HIVEP3: variants seen among roughly 807,000 people sequenced by gnomAD.
HIVEP3 encodes the protein HIVEP zinc finger 3.
A neutral mutation model predicts 152.8 loss-of-function variants in HIVEP3; 49 were observed. That is an observed-to-expected ratio of 0.32 (90% CI 0.26 to 0.41). The LOEUF is 0.41. Among genes scored for constraint, HIVEP3 ranks in the 10% least tolerant of loss-of-function variants. The pLI, the probability that HIVEP3 is intolerant of heterozygous loss-of-function variation, is 1.00. For synonymous variants in HIVEP3, 1,269 were observed against 1,289.0 expected, an observed-to-expected ratio of 0.98 and a Z score of 0.33; for missense variants, 2,790 against 3,103.3, an observed-to-expected ratio of 0.90 and a Z score of 2.40.
intron 1 of HIVEP3, among the ~76,000 whole-genome samples, chr1:41,932,721 T>G (rs148332606): frequency 6.6e-6 from 1 of 151,838 alleles, no homozygotes; most frequent in East Asian, 1.9e-4. Context: ...TAGTTTTAAT[T>G]TGTTCTTCTT....
chr1:41,527,162 TCA>T (rs1175890245), intron 5 of HIVEP3, among the ~76,000 whole-genome samples: 2 of 57,532 alleles, frequency 3.5e-5, no homozygotes, highest in South Asian at 6.5e-4. Flanking sequence ...GCTCATCCTC[TCA>T]CACACCCACA....
intron 1 of HIVEP3, among the ~76,000 whole-genome samples, chr1:41,943,917 C>T (rs1366592111): frequency 1.3e-5 from 2 of 152,190 alleles, no homozygotes; most frequent in Admixed American, 6.5e-5. Flanking sequence ...TATATCCATA[C>T]AATGGAATAT....
chr1:41,582,669 G>A lies in HIVEP3; in HGVS notation c.2129C>T (p.Thr710Ile), dbSNP rs1262208058. The change falls in exon 4 of 9, where the codon ACT becomes ATT. Residue 710 changes from threonine (T) to isoleucine (I), a missense_variant. By Grantham distance (89) the Thr-to-Ile change is moderately conservative (BLOSUM62 -1). Transcript: ENST00000372583. This position sits in a 1 kb window ranked among gnomAD's most constrained non-coding sequence, Gnocchi z 4.7. ...HYKLGTTLEL[T>I]PLRKRRKEKS... The stretch of plus-strand genomic sequence containing the variant: ...CTCTTTCCTCCTCTTCCTCAGTGGA[G>A]TGAGTTCCAGGGTGGTTCCCAGTTT... The A allele has an allele frequency of 1.2e-5, 19 of 1,614,076 alleles. No individual in the cohort carries two copies. Among genetic ancestry groups the A allele is most frequent in the Non-Finnish European group, 1.5e-5 (18 of 1,180,042 alleles).
intron 1 of HIVEP3, among the ~76,000 whole-genome samples, chr1:41,950,768 T>C (rs1645102267): frequency 6.6e-6 from 1 of 152,236 alleles, no homozygotes. Flanking sequence ...CAGATCAATA[T>C]TTTGTAAACC....
chr1:41,848,889 G>A (rs569708236), intron 1 of HIVEP3: 2 of 152,708 alleles, frequency 1.3e-5, no homozygotes, highest in Non-Finnish European at 2.9e-5. Flanking sequence ...TTCGTGGGCC[G>A]CATGCCTCCA....
chr1:41,884,762 C>T lies in HIVEP3; in HGVS notation c.-801+33651G>A, dbSNP rs1402583641. ...CAACCTCAGGCTCCTCCTGGTCTAC[C>T]GTCTGTGCCTGGACTCTGCTCCAGC... On this transcript the variant is annotated intron_variant, in intron 1 of 8. Coordinates refer to ENST00000372583, the MANE Select transcript of HIVEP3 (RefSeq NM_024503.5). Among the ~76,000 whole-genome samples, 3 of 152,300 alleles carry T rather than the reference C, an allele frequency of 2.0e-5. 1 individual carries two copies. Among genetic ancestry groups the T allele is most frequent in the African/African-American group, 4.8e-5 (2 of 41,562 alleles).
chr1:41,793,079 C>T (rs1200010023), intron 1 of HIVEP3, among the ~76,000 whole-genome samples: 2 of 152,174 alleles, frequency 1.3e-5, no homozygotes, highest in East Asian at 1.9e-4. Flanking sequence ...ACAGGAGTGG[C>T]CTGTCATGGG....
rs1479044118 is a variant in HIVEP3 at position 41,533,664 on chromosome 1, T to A, written c.5208-8754A>T. On this transcript the variant is annotated intron_variant, in intron 5 of 8. Coordinates refer to ENST00000372583, the MANE Select transcript of HIVEP3 (RefSeq NM_024503.5). This position sits in a 1 kb window ranked among gnomAD's most constrained non-coding sequence, Gnocchi z 4.3. ...GGCACCTCATTCCCTCCTGCTTGTGTCTCCTTTGCAAGCTCCTTTTTTGCC... is the reference window on the plus strand; with the variant it reads ...GGCACCTCATTCCCTCCTGCTTGTGACTCCTTTGCAAGCTCCTTTTTTGCC... 6.6e-6 allele frequency among the ~76,000 whole-genome samples: 1 copy of A among 151,606 alleles called. No individual in the cohort carries two copies. The highest frequency in any genetic ancestry group is 1.5e-5 in the Non-Finnish European group (1 of 67,950).
intron 1 of HIVEP3, among the ~76,000 whole-genome samples, chr1:41,794,745 C>A (rs1649891159): frequency 1.3e-5 from 2 of 152,060 alleles, no homozygotes; most frequent in Admixed American, 6.5e-5. Flanking sequence ...TTTTGAATTT[C>A]TTTCTCTATT....
intron 5 of HIVEP3, among the ~76,000 whole-genome samples, chr1:41,527,754 C>T (rs1243146257): frequency 6.7e-6 from 1 of 148,170 alleles, no homozygotes; most frequent in Non-Finnish European, 1.5e-5. Flanking sequence ...CCCTCGCATT[C>T]ACCTTCACAC....
rs778798464 is a variant in HIVEP3 at position 41,660,182 on chromosome 1, C to T, written c.-720-31235G>A. On this transcript the variant is annotated intron_variant, in intron 2 of 8. Transcript: ENST00000372583. ...GTGTTTGAGTGTGTAAGAGTGCACA[C>T]ACGTGTGTATGTGTGCATGTGTGAG... 2.0e-5 allele frequency among the ~76,000 whole-genome samples: 3 copies of T among 152,104 alleles called. No individual in the cohort carries two copies. In the East Asian group the frequency reaches 5.8e-4, roughly 29 times the overall value.
chr1:41,584,398 C>G lies in HIVEP3; in HGVS notation c.400G>C (p.Val134Leu). 1 of 1,613,846 alleles carries G rather than the reference C, an allele frequency of 6.2e-7. No homozygotes were observed. The highest frequency in any genetic ancestry group is 8.5e-7 in the Non-Finnish European group (1 of 1,179,864). ...CTCTGAGGATGGAGCCCAGGGGCCA[C>G]GAAGGAGCCAGAGGGTCCAGGTCTC... is the stretch of plus-strand genomic sequence containing the variant. ...PMRPGPSGSF[V>L]APGLHPQSQL... Residue 134 changes from valine (V) to leucine (L), a missense_variant, in exon 4 of 9, where the codon GTG (valine) becomes CTG (leucine). Val to Leu is a conservative substitution (Grantham distance 32). This residue lies in a region of HIVEP3 where 209 missense variants were observed against 237.0 expected (regional missense o/e 0.88). Transcript: ENST00000372583. The surrounding 1 kb of genome is among the most constrained non-coding windows in gnomAD (Gnocchi z 5.2).
At chr1:41,701,061 A>G in intron 1 of HIVEP3, 66 bp from the exon 2 acceptor site, 4 of 766,486 alleles carry the variant, frequency 5.2e-6, no homozygotes, top group East Asian at 1.3e-4. Context: ...TCTGAGTTTG[A>G]AAAAGGCACC....
intron 2 of HIVEP3, among the ~76,000 whole-genome samples, chr1:41,645,765 TC>T (rs1245243526): frequency 6.6e-6 from 1 of 152,184 alleles, no homozygotes; most frequent in African/African-American, 2.4e-5. Flanking sequence ...AACCAACCAT[TC>T]GTTCATGCAT....
intron 3 of HIVEP3, among the ~76,000 whole-genome samples, chr1:41,615,298 T>C (rs1330066572): frequency 3.9e-5 from 6 of 152,252 alleles, no homozygotes; most frequent in African/African-American, 1.4e-4. Context: ...GCTCATCTTC[T>C]ACTCATGGTT....
At chr1:41,810,888 T>C (rs1000879190) in intron 1 of HIVEP3, among the ~76,000 whole-genome samples, 1 of 152,236 alleles carries the variant, frequency 6.6e-6, no homozygotes, top group Admixed American at 6.5e-5. Flanking sequence ...GGCTTATGGA[T>C]TTGCCTGTAA....
intron 5 of HIVEP3, among the ~76,000 whole-genome samples, chr1:41,531,822 CA>C (rs1553222161): frequency 2.0e-5 from 1 of 49,658 alleles, no homozygotes; most frequent in Non-Finnish European, 3.8e-5. Context: ...AGATGGAGGA[CA>C]GGGGAGATGG....
At chr1:42,002,611 G>A (rs1181642922) in intron 1 of HIVEP3, among the ~76,000 whole-genome samples, 1 of 152,164 alleles carries the variant, frequency 6.6e-6, no homozygotes, top group Non-Finnish European at 1.5e-5. Flanking sequence ...AGATATAGAT[G>A]CCAGGCCCCA....
At chr1:41,889,504 G>A (rs1644413423) in intron 1 of HIVEP3, among the ~76,000 whole-genome samples, 1 of 152,144 alleles carries the variant, frequency 6.6e-6, no homozygotes, top group South Asian at 2.1e-4. Context: ...GGGACACCTT[G>A]CCTCAACTCT....
Sources: gnomAD v4.1 joint callset for allele counts (sites outside exome capture counted in the v4.1 genomes callset) on GRCh38, gnomAD v4.1.1 for gene constraint, gnomAD v4.1.1 regional missense constraint, Gnocchi (gnomAD v3.1) non-coding constraint, MANE v1.5 for transcripts, NCBI Gene and HGNC (gene_info 2026-07-23, HGNC 2026-07-21) for gene names.